The following LRMDA variants were observed in gnomAD, a reference collection of about 807,000 sequenced individuals.
LRMDA encodes the protein leucine rich melanocyte differentiation associated.
A neutral mutation model predicts 29.8 loss-of-function variants in LRMDA; 18 were observed. The ratio of observed to expected loss-of-function variants is 0.60; its 90% CI spans 0.42 to 0.90. The LOEUF (loss-of-function observed/expected upper bound fraction) is 0.90, where lower values mean the gene tolerates loss of function less well. Ranked by LOEUF, LRMDA falls within the 40% of genes least tolerant of loss-of-function variation. LRMDA has a pLI of 0.00. For missense variants in LRMDA, 273 were observed against 273.9 expected (o/e 1.00, Z 0.02); for synonymous variants, 125 against 109.4 (o/e 1.14, Z -0.89).
chr10:76,168,960 T>C (rs574820906), intron 5 of LRMDA, among the ~76,000 whole-genome samples: 1 of 152,170 alleles, frequency 6.6e-6, no homozygotes, highest in Non-Finnish European at 1.5e-5. Flanking sequence ...ATCCACTGTA[T>C]AGGTACTTTA....
At chr10:76,254,921 G>A (rs982854612) in intron 5 of LRMDA, among the ~76,000 whole-genome samples, 2 of 152,048 alleles carry the variant, frequency 1.3e-5, no homozygotes, top group African/African-American at 4.8e-5. Context: ...CTCGCATTTG[G>A]GTTACAGCCA....
At chr10:76,469,435 A>G (rs969933399) in intron 6 of LRMDA, among the ~76,000 whole-genome samples, 5 of 152,172 alleles carry the variant, frequency 3.3e-5, no homozygotes, top group African/African-American at 1.2e-4. Flanking sequence ...GGCCCTCATC[A>G]TTCTTGCTCA....
At chr10:75,639,896 G>A (rs565223478) in intron 2 of LRMDA, among the ~76,000 whole-genome samples, 1 of 152,340 alleles carries the variant, frequency 6.6e-6, no homozygotes, top group South Asian at 2.1e-4. Context: ...GAGGAGCACG[G>A]CACTGCATCA....
At chr10:75,585,135 T>C (rs1347559356) in intron 2 of LRMDA, among the ~76,000 whole-genome samples, 7 of 152,190 alleles carry the variant, frequency 4.6e-5, no homozygotes, top group African/African-American at 1.7e-4. Context: ...CTCTTGCTGG[T>C]CCCAGTCACC....
At chr10:75,769,481 TA>T (rs905861002) in intron 2 of LRMDA, among the ~76,000 whole-genome samples, 1 of 152,242 alleles carries the variant, frequency 6.6e-6, no homozygotes, top group African/African-American at 2.4e-5. Flanking sequence ...GTGATAGCCA[TA>T]ATTCTGTTTT....
intron 6 of LRMDA, among the ~76,000 whole-genome samples, chr10:76,461,137 C>T (rs1842507960): frequency 6.6e-6 from 1 of 152,040 alleles, no homozygotes; most frequent in African/African-American, 2.4e-5. Flanking sequence ...TTGTAGCAAA[C>T]ACACATTTTT....
chr10:75,954,611 G>A (rs905405628), intron 2 of LRMDA, among the ~76,000 whole-genome samples: 2 of 152,150 alleles, frequency 1.3e-5, no homozygotes, highest in Non-Finnish European at 2.9e-5. Context: ...CCTCTCAACT[G>A]TAACCCCTAG....
At chr10:75,943,010 G>A (rs1846418663) in intron 2 of LRMDA, among the ~76,000 whole-genome samples, 1 of 152,058 alleles carries the variant, frequency 6.6e-6, no homozygotes, top group South Asian at 2.1e-4. Context: ...AAAGAAATGG[G>A]CCACTTTGTG....
chr10:75,756,998 A>G (rs1484710165), intron 2 of LRMDA, among the ~76,000 whole-genome samples: 2 of 152,206 alleles, frequency 1.3e-5, no homozygotes, highest in Non-Finnish European at 2.9e-5. Context: ...CTTGAACTAT[A>G]TTAATGGGGC....
At chr10:75,603,812 A>G (rs963134646) in intron 2 of LRMDA, among the ~76,000 whole-genome samples, 3 of 152,202 alleles carry the variant, frequency 2.0e-5, no homozygotes, top group Non-Finnish European at 4.4e-5. Context: ...TAAAGAATTG[A>G]GGCATAATTT....
intron 5 of LRMDA, among the ~76,000 whole-genome samples, chr10:76,222,914 C>T (rs540113934): frequency 8.4e-4 from 128 of 152,206 alleles, no homozygotes; most frequent in Non-Finnish European, 4.1e-4. Context: ...GGCACATATA[C>T]ACCATGGAAT....
intron 3 of LRMDA, among the ~76,000 whole-genome samples, chr10:76,043,917 A>G (rs1189001673): frequency 6.6e-6 from 1 of 152,230 alleles, no homozygotes; most frequent in African/African-American, 2.4e-5. Flanking sequence ...CTAAGAGGAA[A>G]GTAGGTTTTG....
At chr10:75,542,569 GT>G (rs1448744745) in intron 2 of LRMDA, among the ~76,000 whole-genome samples, 1 of 152,140 alleles carries the variant, frequency 6.6e-6, no homozygotes, top group Non-Finnish European at 1.5e-5. Flanking sequence ...AGAAAAAGAA[GT>G]TTCTAGAACT....
At chr10:76,166,522 A>G (rs11001652) in intron 5 of LRMDA, among the ~76,000 whole-genome samples, 27,467 of 151,918 alleles carry the variant, frequency 0.18, 2,996 homozygotes, top group East Asian at 0.52. Flanking sequence ...TTATGTGTCC[A>G]TGTGTTCTCA....
intron 2 of LRMDA, among the ~76,000 whole-genome samples, chr10:75,950,664 T>C (rs1334024483): frequency 6.6e-6 from 1 of 152,242 alleles, no homozygotes; most frequent in Non-Finnish European, 1.5e-5. Flanking sequence ...TGTTATATTA[T>C]TAATGACAAT....
chr10:75,953,130 G>A (rs987861378), intron 2 of LRMDA, among the ~76,000 whole-genome samples: 1 of 151,446 alleles, frequency 6.6e-6, no homozygotes, highest in African/African-American at 2.4e-5. Context: ...TTGAGTGCAG[G>A]GGTGTGATCA....
intron 2 of LRMDA, among the ~76,000 whole-genome samples, chr10:75,854,124 T>C (rs1187876343): frequency 1.3e-5 from 2 of 152,170 alleles, no homozygotes; most frequent in Non-Finnish European, 2.9e-5. Context: ...TTGTTGGACA[T>C]GCTGTGGGAG....
Position 76,342,780 on chromosome 10 carries a change from C to T in LRMDA, c.601+18295C>T, listed in dbSNP as rs576784508. Reference sequence around the variant, plus strand: ...TAATTTTGTAGGAAAATATAATTTCCCAAAGCTGACCCCAGAAGAGATAGA... The same window carrying T: ...TAATTTTGTAGGAAAATATAATTTCTCAAAGCTGACCCCAGAAGAGATAGA... On this transcript the variant is annotated intron_variant, in intron 6 of 6. Coordinates refer to ENST00000611255, the MANE Select transcript of LRMDA (RefSeq NM_001305581.2). Among the ~76,000 whole-genome samples the T allele has an allele frequency of 5.3e-4, 80 of 152,062 alleles. 2 individuals are homozygous for T. Among genetic ancestry groups the T allele is most frequent in the African/African-American group, 1.7e-3 (70 of 41,504 alleles).
intron 5 of LRMDA, among the ~76,000 whole-genome samples, chr10:76,106,029 G>A (rs1450075187): frequency 2.0e-5 from 3 of 152,200 alleles, no homozygotes; most frequent in African/African-American, 4.8e-5. Context: ...TTATAGGCAT[G>A]AGCCACCAGG....
Sources: gnomAD v4.1 joint callset for allele counts (sites outside exome capture counted in the v4.1 genomes callset) on GRCh38, gnomAD v4.1.1 for gene constraint, MANE v1.5 for transcripts, NCBI Gene and HGNC (gene_info 2026-07-23, HGNC 2026-07-21) for gene names.